The following ZFYVE9 variants were observed in gnomAD, a reference collection of about 807,000 sequenced individuals.
ZFYVE9 encodes the protein zinc finger FYVE domain-containing protein 9.
In ZFYVE9, 43 loss-of-function variants were observed where a neutral mutation model predicts 126.7. That is an observed-to-expected ratio of 0.34 (90% CI 0.27 to 0.44). The LOEUF (loss-of-function observed/expected upper bound fraction) is 0.44, where lower values mean the gene tolerates loss of function less well. ZFYVE9 is among the 20% of genes least tolerant of loss of function. The pLI is 1.00. For missense variants in ZFYVE9, 1,476 were observed against 1,697.0 expected, an observed-to-expected ratio of 0.87 and a Z score of 2.29; for synonymous variants, 521 against 597.4, an observed-to-expected ratio of 0.87 and a Z score of 1.87.
intron 1 of ZFYVE9, among the ~76,000 whole-genome samples, chr1:52,204,080 A>T (rs113525268): frequency 2.7e-5 from 4 of 150,290 alleles, no homozygotes; most frequent in African/African-American, 9.8e-5. Context: ...TTTCTCCTCA[A>T]ACTTTTTTTT....
chr1:52,316,186 A>AAG (rs1457631667), intron 13 of ZFYVE9, among the ~76,000 whole-genome samples: 30 of 147,232 alleles, frequency 2.0e-4, no homozygotes, highest in Non-Finnish European at 4.0e-4. Flanking sequence ...AAAAAAAAAA[A>AAG]AAAAGAAAAG....
At chr1:52,245,524 G>C (rs1330482942) in intron 4 of ZFYVE9, among the ~76,000 whole-genome samples, 1 of 152,140 alleles carries the variant, frequency 6.6e-6, no homozygotes, top group Non-Finnish European at 1.5e-5. Context: ...CTATGAAGTA[G>C]CTAGCTACTG....
Position 52,250,714 on chromosome 1 carries a change from C to CT in ZFYVE9, c.2178+11132dup, listed in dbSNP as rs34689725. ...ATCTTAAAGCAAAAGTTCTTTCAGT[C>CT]TTTTTTTTTTTTTGAGACAGGGTGT... On this transcript the variant is annotated intron_variant, in intron 4 of 18. Transcript: ENST00000287727. Among the ~76,000 whole-genome samples the CT allele has an allele frequency of 2.3e-3, 336 of 143,638 alleles. 1 individual carries two copies. Among genetic ancestry groups the CT allele is most frequent in the Non-Finnish European group, 2.9e-3 (190 of 65,200 alleles). 94.2% of individuals were successfully genotyped at this position (143,638 alleles called of 152,430 possible). A position where few individuals can be genotyped will look rare whatever the true frequency, so the allele number is the denominator to read the frequency against.
chr1:52,343,854 C>T (rs1219823264), intron 17 of ZFYVE9, among the ~76,000 whole-genome samples: 1 of 151,844 alleles, frequency 6.6e-6, no homozygotes, highest in African/African-American at 2.4e-5. Flanking sequence ...GACAGATCAC[C>T]TGAGGTCAGG....
At chr1:52,229,509 A>C (rs1645198035) in intron 2 of ZFYVE9, among the ~76,000 whole-genome samples, 2 of 152,254 alleles carry the variant, frequency 1.3e-5, no homozygotes, top group South Asian at 2.1e-4. Context: ...TTAATAGTTT[A>C]GCATCCATTT....
intron 1 of ZFYVE9, chr1:52,180,597 T>C (rs2124538876): frequency 8.7e-6 from 5 of 577,358 alleles, no homozygotes; most frequent in Non-Finnish European, 1.6e-5. Flanking sequence ...TTGTCTGGAT[T>C]TTTTAAAAAA....
At chr1:52,341,585 A>T (rs1429896138) in intron 17 of ZFYVE9, among the ~76,000 whole-genome samples, 1 of 152,220 alleles carries the variant, frequency 6.6e-6, no homozygotes, top group Non-Finnish European at 1.5e-5. Context: ...TTTGTAAAGG[A>T]TTAAATTATA....
chr1:52,225,523 GTTCCTGTTTCTGTGTCTT>G (rs1274675709), intron 2 of ZFYVE9, among the ~76,000 whole-genome samples: 1 of 152,234 alleles, frequency 6.6e-6, no homozygotes, highest in African/African-American at 2.4e-5. Flanking sequence ...CCCTAACACA[GTTCCTGTTTCTGTGTCTT>G]TCCCATGTTG....
intron 1 of ZFYVE9, among the ~76,000 whole-genome samples, chr1:52,147,832 G>A (rs1446446134): frequency 2.6e-5 from 4 of 152,034 alleles, no homozygotes; most frequent in Non-Finnish European, 2.9e-5. Flanking sequence ...TCCCACCTGC[G>A]TTGTATGAAG....
chr1:52,164,638 GTCCGTCCA>G (rs1198771493), intron 1 of ZFYVE9, among the ~76,000 whole-genome samples: 2 of 151,618 alleles, frequency 1.3e-5, no homozygotes, highest in African/African-American at 2.4e-5. Context: ...ATCTTTGTCC[GTCCGTCCA>G]TCCGTCCATC....
At chr1:52,339,013 GA>G (rs560148411) in intron 16 of ZFYVE9, among the ~76,000 whole-genome samples, 13 of 148,090 alleles carry the variant, frequency 8.8e-5, no homozygotes, top group African/African-American at 2.5e-4. Flanking sequence ...TCTGTCTCAA[GA>G]AAAAAAAAAT....
At chr1:52,229,324 A>C (rs1645196884) in intron 2 of ZFYVE9, among the ~76,000 whole-genome samples, 2 of 152,246 alleles carry the variant, frequency 1.3e-5, no homozygotes, top group African/African-American at 4.8e-5. Context: ...TGGAAAGTGC[A>C]TAATGTCAGC....
At chr1:52,323,447 G>A (rs1646260241) in intron 13 of ZFYVE9, among the ~76,000 whole-genome samples, 2 of 152,336 alleles carry the variant, frequency 1.3e-5, no homozygotes, top group East Asian at 3.9e-4. Flanking sequence ...TATAAGCTCT[G>A]TGAGGGCAGG....
chr1:52,220,401 G>T (rs1645112735), intron 2 of ZFYVE9, among the ~76,000 whole-genome samples: 1 of 152,274 alleles, frequency 6.6e-6, no homozygotes, highest in African/African-American at 2.4e-5. Context: ...CTTGGGAAGG[G>T]TATGGCTTCT....
chr1:52,231,997 A>G (rs1260802159), intron 2 of ZFYVE9, among the ~76,000 whole-genome samples: 1 of 152,170 alleles, frequency 6.6e-6, no homozygotes, highest in Non-Finnish European at 1.5e-5. Flanking sequence ...GGGAAATATC[A>G]TTGACACTTA....
At chr1:52,236,100 C>T (rs1011354736) in intron 3 of ZFYVE9, among the ~76,000 whole-genome samples, 2 of 152,140 alleles carry the variant, frequency 1.3e-5, no homozygotes, top group African/African-American at 4.8e-5. Context: ...TATGCTACTC[C>T]ATACTGCTAA....
intron 1 of ZFYVE9, among the ~76,000 whole-genome samples, chr1:52,146,416 T>G (rs552578287): frequency 1.3e-5 from 2 of 152,180 alleles, no homozygotes; most frequent in Non-Finnish European, 2.9e-5. Context: ...AGAACTGTTT[T>G]CAGAACATAG....
chr1:52,157,913 T>A (rs992785034), intron 1 of ZFYVE9, among the ~76,000 whole-genome samples: 1 of 152,180 alleles, frequency 6.6e-6, no homozygotes, highest in Admixed American at 6.5e-5. Flanking sequence ...CTCCCCAGTA[T>A]ATTCCTGATA....
intron 1 of ZFYVE9, chr1:52,180,570 C>T: frequency 1.6e-6 from 1 of 631,718 alleles, no homozygotes. Context: ...CAGCTGCTAT[C>T]ACTTTCTTGT....
Sources: allele counts gnomAD v4.1 joint callset (sites outside exome capture counted in the v4.1 genomes callset), GRCh38; gene constraint gnomAD v4.1.1; transcripts MANE v1.5; gene names NCBI Gene and HGNC (gene_info 2026-07-23, HGNC 2026-07-21).